Variants in CDK19 observed in about 807,000 individuals in gnomAD.
CDK19 encodes cyclin-dependent kinase 19.
A neutral mutation model predicts 68.3 loss-of-function variants in CDK19; 20 were observed. The observed-to-expected ratio is 0.29, with a 90% CI of 0.21 to 0.43. The LOEUF is 0.43. Ranked by LOEUF, CDK19 falls within the 20% of genes least tolerant of loss-of-function variation. The pLI is 1.00. For synonymous variants in CDK19, 221 were observed against 222.8 expected, an observed-to-expected ratio of 0.99 and a Z score of 0.07; for missense variants, 339 against 623.5, an observed-to-expected ratio of 0.54 and a Z score of 4.86.
chr6:110,639,977 C>A (rs1486490728), intron 4 of CDK19, among the ~76,000 whole-genome samples: 1 of 152,084 alleles, frequency 6.6e-6, no homozygotes, highest in African/African-American at 2.4e-5. Flanking sequence ...CTTTGGGAGA[C>A]CGAGGCGGGA....
At chr6:110,786,122 G>A (rs1026712976) in intron 1 of CDK19, among the ~76,000 whole-genome samples, 5 of 152,080 alleles carry the variant, frequency 3.3e-5, no homozygotes. Flanking sequence ...CTGTATCATA[G>A]AAGAGGAGAT....
intron 1 of CDK19, among the ~76,000 whole-genome samples, chr6:110,810,729 G>C (rs972438734): frequency 2.0e-5 from 3 of 150,612 alleles, no homozygotes; most frequent in East Asian, 3.9e-4. Context: ...AGCTGAGATC[G>C]CACAATTGCA....
chr6:110,708,184 C>T (rs945452717), intron 2 of CDK19, among the ~76,000 whole-genome samples: 1 of 152,130 alleles, frequency 6.6e-6, no homozygotes, highest in African/African-American at 2.4e-5. Context: ...TGACTAGTGA[C>T]TACCACACTG....
At chr6:110,654,668 C>A (rs1206521524) in intron 4 of CDK19, among the ~76,000 whole-genome samples, 1 of 152,208 alleles carries the variant, frequency 6.6e-6, no homozygotes, top group African/African-American at 2.4e-5. Context: ...TGGCTGCGTG[C>A]AGTGGCTCAT....
At position 110,610,818 on chromosome 6, in the gene CDK19, A is replaced by G. The variant is rs1028198918; in HGVS notation, c.*3717T>C. The G allele has an allele frequency of 1.3e-5, 2 of 152,174 alleles. No individual in the cohort carries two copies. Among genetic ancestry groups the G allele is most frequent in the Non-Finnish European group, 2.9e-5 (2 of 68,026 alleles). The allele number at this position is 152,174 out of a possible 1,614,324, so 9.4% of individuals were successfully genotyped here. On this transcript the variant is annotated 3_prime_UTR_variant, in exon 13 of 13. Coordinates refer to ENST00000368911, the MANE Select transcript of CDK19 (RefSeq NM_015076.5). Reference sequence around the variant, plus strand: ...GCTGCATAAATTTACTCAAAAGCACATCAAGTTGCATGTCTTATTTTCCAA... The same window carrying G: ...GCTGCATAAATTTACTCAAAAGCACGTCAAGTTGCATGTCTTATTTTCCAA...
intron 1 of CDK19, among the ~76,000 whole-genome samples, chr6:110,748,795 G>A (rs975227019): frequency 2.0e-5 from 3 of 152,314 alleles, no homozygotes; most frequent in South Asian, 2.1e-4. Context: ...CCCCTCTCCA[G>A]GAGTTCCTCC....
intron 1 of CDK19, among the ~76,000 whole-genome samples, chr6:110,798,355 TG>T (rs1379214848): frequency 6.6e-6 from 1 of 152,244 alleles, no homozygotes; most frequent in Non-Finnish European, 1.5e-5. Flanking sequence ...CCAGGGATGA[TG>T]GCTCCTGCCT....
chr6:110,806,548 T>G (rs1474221816), intron 1 of CDK19, among the ~76,000 whole-genome samples: 1 of 152,186 alleles, frequency 6.6e-6, no homozygotes, highest in Non-Finnish European at 1.5e-5. Flanking sequence ...ACTAGGATAT[T>G]CACTTCAGTG....
rs76260597 is a variant in CDK19 at position 110,766,323 on chromosome 6, C to A, written c.129-20122G>T. ...GGCATGGTGGCTCACACCTGTAATC[C>A]CAGCACTTTGGGAGGCCAAGGCAGA... On this transcript the variant is annotated intron_variant, in intron 1 of 12. Coordinates refer to ENST00000368911, the MANE Select transcript of CDK19 (RefSeq NM_015076.5). 5.6e-3 allele frequency among the ~76,000 whole-genome samples: 853 copies of A among 151,880 alleles called. 21 individuals are homozygous for A. The East Asian group carries it at 0.074, about 13-fold the overall frequency.
intron 4 of CDK19, among the ~76,000 whole-genome samples, chr6:110,648,202 C>T (rs1780729867): frequency 6.6e-6 from 1 of 152,078 alleles, no homozygotes; most frequent in Non-Finnish European, 1.5e-5. Flanking sequence ...GTAATATAAA[C>T]CCGGTACTAT....
intron 4 of CDK19, among the ~76,000 whole-genome samples, chr6:110,652,550 TAA>T (rs2114274789): frequency 6.6e-6 from 1 of 152,272 alleles, no homozygotes; most frequent in African/African-American, 2.4e-5. Flanking sequence ...CCTTTAAAAA[TAA>T]AGATAGTAAG....
chr6:110,705,263 C>T (rs551894941), intron 2 of CDK19, among the ~76,000 whole-genome samples: 1 of 152,276 alleles, frequency 6.6e-6, no homozygotes, highest in Admixed American at 6.5e-5. Context: ...TGGTCTCAAA[C>T]TCCCAACCTC....
At chr6:110,728,023 G>A (rs1018924127) in intron 2 of CDK19, among the ~76,000 whole-genome samples, 1 of 151,910 alleles carries the variant, frequency 6.6e-6, no homozygotes, top group Non-Finnish European at 1.5e-5. Context: ...AGGCATGGTG[G>A]CTCACACCTG....
intron 1 of CDK19, among the ~76,000 whole-genome samples, chr6:110,779,300 T>A (rs1312792705): frequency 1.3e-5 from 2 of 152,272 alleles, no homozygotes; most frequent in Middle Eastern, 3.4e-3. Context: ...TCTTTCTCCA[T>A]GTATCCTTCA....
intron 1 of CDK19, among the ~76,000 whole-genome samples, chr6:110,785,484 G>T (rs802661): frequency 0.16 from 23,784 of 152,082 alleles, 2,073 homozygotes; most frequent in East Asian, 0.32. Flanking sequence ...AAGAAAATGC[G>T]AAGGAAACCA....
intron 1 of CDK19, among the ~76,000 whole-genome samples, chr6:110,794,855 A>G (rs1262517363): frequency 2.0e-5 from 3 of 152,194 alleles, no homozygotes; most frequent in East Asian, 3.8e-4. Flanking sequence ...GGAAATTAAG[A>G]TGACTAGAAA....
intron 2 of CDK19, among the ~76,000 whole-genome samples, chr6:110,712,703 G>A (rs1775034224): frequency 6.6e-6 from 1 of 152,132 alleles, no homozygotes; most frequent in African/African-American, 2.4e-5. Flanking sequence ...TGGCGAAGCA[G>A]GATAAACAGG....
At chr6:110,744,010 C>A (rs1263638658) in intron 2 of CDK19, among the ~76,000 whole-genome samples, 1 of 88,046 alleles carries the variant, frequency 1.1e-5, no homozygotes, top group Non-Finnish European at 2.1e-5. Flanking sequence ...TACCTCCCCA[C>A]GTTTTTTTTT....
At chr6:110,715,077 T>C (rs1775269606) in intron 2 of CDK19, among the ~76,000 whole-genome samples, 2 of 152,080 alleles carry the variant, frequency 1.3e-5, no homozygotes, top group African/African-American at 4.8e-5. Context: ...TTAATGGGGT[T>C]TCTTTTTTGT....
Sources: allele counts gnomAD v4.1 joint callset (sites outside exome capture counted in the v4.1 genomes callset), GRCh38; gene constraint gnomAD v4.1.1; transcripts MANE v1.5; gene names NCBI Gene and HGNC (gene_info 2026-07-23, HGNC 2026-07-21).